Variants in CALN1 observed in about 807,000 individuals in gnomAD.
CALN1 encodes the protein calneuron 1, also known as calcium-binding protein 8.
In CALN1, 17 loss-of-function variants were observed where a neutral mutation model predicts 30.6. The ratio of observed to expected loss-of-function variants is 0.56; its 90% CI spans 0.38 to 0.83. The LOEUF is 0.83. Ranked by LOEUF, CALN1 falls within the 40% of genes least tolerant of loss-of-function variation. CALN1 has a pLI of 0.00. For missense variants in CALN1, 291 were observed against 354.9 expected (o/e 0.82, Z 1.45); for synonymous variants, 156 against 131.4 (o/e 1.19, Z -1.28).
intron 3 of CALN1, among the ~76,000 whole-genome samples, chr7:72,223,844 G>A (rs377350766): frequency 5.8e-4 from 89 of 152,182 alleles, no homozygotes; most frequent in Non-Finnish European, 1.0e-3. Context: ...TCGTGTCCTC[G>A]GCAGCAACAT....
At chr7:72,069,128 C>T (rs1804222207) in intron 4 of CALN1, among the ~76,000 whole-genome samples, 1 of 152,192 alleles carries the variant, frequency 6.6e-6, no homozygotes. Flanking sequence ...GGGCAAGTGA[C>T]ACTGCAAAGT....
intron 5 of CALN1, among the ~76,000 whole-genome samples, chr7:71,962,872 A>G (rs958223851): frequency 6.6e-6 from 1 of 152,204 alleles, no homozygotes; most frequent in Admixed American, 6.5e-5. Context: ...AGTAACAAGG[A>G]AAAATGAAAT....
chr7:71,924,135 G>A (rs1795130598), intron 5 of CALN1, among the ~76,000 whole-genome samples: 5 of 148,550 alleles, frequency 3.4e-5, no homozygotes, highest in African/African-American at 1.0e-4. Context: ...GAAGGTTGCA[G>A]TGAGCCGAAA....
chr7:71,924,682 G>A (rs552955024), intron 5 of CALN1, among the ~76,000 whole-genome samples: 28 of 151,212 alleles, frequency 1.9e-4, no homozygotes, highest in Admixed American at 3.3e-4. Context: ...GTTTACCTTT[G>A]GTTTTCAGTG....
intron 3 of CALN1, among the ~76,000 whole-genome samples, chr7:72,260,089 G>C (rs146784182): frequency 9.9e-4 from 151 of 152,268 alleles, no homozygotes; most frequent in Middle Eastern, 3.4e-3. Flanking sequence ...AAAATTAGCT[G>C]AGTGTGATGG....
intron 5 of CALN1, among the ~76,000 whole-genome samples, chr7:71,889,721 G>A (rs574075750): frequency 1.3e-5 from 2 of 152,340 alleles, no homozygotes; most frequent in East Asian, 3.9e-4. Context: ...TTGGGAGGCT[G>A]AGGTGGGCAG....
At chr7:72,397,180 G>C (rs1476424025) in intron 2 of CALN1, among the ~76,000 whole-genome samples, 3 of 152,078 alleles carry the variant, frequency 2.0e-5, no homozygotes, top group South Asian at 4.1e-4. Flanking sequence ...CAAAGTGCTG[G>C]GATTACAATC....
intron 3 of CALN1, among the ~76,000 whole-genome samples, chr7:72,269,848 C>A (rs1796855951): frequency 6.6e-6 from 1 of 152,186 alleles, no homozygotes; most frequent in African/African-American, 2.4e-5. Context: ...TCCATAAAAA[C>A]CAATCCCAGG....
At chr7:72,126,978 A>T (rs1246501667) in intron 3 of CALN1, among the ~76,000 whole-genome samples, 1 of 152,040 alleles carries the variant, frequency 6.6e-6, no homozygotes, top group Non-Finnish European at 1.5e-5. Context: ...TAACTATTGA[A>T]ATAAATATAT....
chr7:72,143,084 G>C (rs919449302), intron 3 of CALN1, among the ~76,000 whole-genome samples: 9 of 152,186 alleles, frequency 5.9e-5, no homozygotes, highest in Non-Finnish European at 1.2e-4. Context: ...TCCTCCAAAG[G>C]AATGCAGCTC....
At chr7:72,092,890 G>C (rs911164221) in intron 4 of CALN1, among the ~76,000 whole-genome samples, 2 of 152,098 alleles carry the variant, frequency 1.3e-5, no homozygotes, top group African/African-American at 4.8e-5. Flanking sequence ...AGACGGGCTG[G>C]AGTCTCTTTC....
chr7:71,790,777 T>C (rs1793335946), intron 6 of CALN1, among the ~76,000 whole-genome samples: 2 of 152,132 alleles, frequency 1.3e-5, no homozygotes, highest in Non-Finnish European at 2.9e-5. Context: ...TAATAAGCTC[T>C]CCAGGCAATT....
rs1349069346 is a variant in CALN1, at chr7:72,308,373, GAGAGAGAGAGAGAGA to G, written c.120-29578_120-29564del. On this transcript the variant is annotated intron_variant, in intron 2 of 6. Transcript: ENST00000395275. ...AGTGAGATGCTGTCTGTGGGGGGGG[GAGAGAGAGAGAGAGA>G]GAGAGAGAGAGAGAGAGGAAAGAAA... is the stretch of plus-strand genomic sequence containing the variant. 2.2e-3 allele frequency among the ~76,000 whole-genome samples: 41 copies of G among 18,484 alleles called. No individual in the cohort carries two copies. The East Asian group carries it at 0.038, about 17-fold the overall frequency. 12.1% of individuals were successfully genotyped at this position (18,484 alleles called of 152,430 possible).
chr7:71,788,113 A>G (rs981357225), intron 6 of CALN1, among the ~76,000 whole-genome samples: 6 of 152,228 alleles, frequency 3.9e-5, no homozygotes, highest in African/African-American at 1.4e-4. Flanking sequence ...GGTGAAAGGT[A>G]TGAAATGAGA....
intron 4 of CALN1, among the ~76,000 whole-genome samples, chr7:72,037,856 G>A (rs1375574617): frequency 6.6e-6 from 1 of 152,216 alleles, no homozygotes; most frequent in African/African-American, 2.4e-5. Flanking sequence ...CTGGGCCTGT[G>A]TAGTCACTTT....
At chr7:72,465,786 A>G in the CALN1 span, among the ~76,000 whole-genome samples, 1 of 152,202 alleles carries the variant, frequency 6.6e-6, no homozygotes, top group African/African-American at 2.4e-5. Context: ...TGGAATGATC[A>G]AAGAGAAACA....
intron 5 of CALN1, among the ~76,000 whole-genome samples, chr7:71,961,791 G>A (rs930111670): frequency 1.8e-4 from 27 of 152,018 alleles, no homozygotes; most frequent in African/African-American, 6.3e-4. Context: ...GAAGAGAGAG[G>A]GCAGGGTCCT....
intron 2 of CALN1, among the ~76,000 whole-genome samples, chr7:72,311,140 A>G (rs1422705241): frequency 6.6e-6 from 1 of 151,906 alleles, no homozygotes; most frequent in Non-Finnish European, 1.5e-5. Flanking sequence ...AGTCTACTCA[A>G]CGCAAAGATG....
At chr7:71,849,984 T>C (rs115450655) in intron 5 of CALN1, among the ~76,000 whole-genome samples, 3,409 of 152,196 alleles carry the variant, frequency 0.022, 110 homozygotes, top group African/African-American at 0.075. Flanking sequence ...AAGCTGAAAA[T>C]GTGCATGGCC....
Sources: allele counts gnomAD v4.1 joint callset (sites outside exome capture counted in the v4.1 genomes callset), GRCh38; gene constraint gnomAD v4.1.1; transcripts MANE v1.5; gene names NCBI Gene and HGNC (gene_info 2026-07-23, HGNC 2026-07-21).